SCIN: variants seen among roughly 807,000 people sequenced by gnomAD.
SCIN encodes the protein adseverin.
Under a neutral mutation model 91.8 loss-of-function variants are expected in SCIN, and 91 were observed. The observed-to-expected ratio is 0.99, with a 90% CI of 0.84 to 1.18. The LOEUF (loss-of-function observed/expected upper bound fraction) is 1.18. Ranked by LOEUF, SCIN falls within the 50% of genes most tolerant of loss-of-function variation. The pLI, the probability that SCIN is intolerant of heterozygous loss-of-function variation, is 0.00. For synonymous variants in SCIN, 367 were observed against 312.6 expected (o/e 1.17, Z -1.84); for missense variants, 1,087 against 863.9 (o/e 1.26, Z -3.24).
chr7:12,621,637 G>GTTTTTTTTTT (rs60697843), intron 4 of SCIN, among the ~76,000 whole-genome samples: 1 of 106,374 alleles, frequency 9.4e-6, no homozygotes. Flanking sequence ...AAGTGTTTTA[G>GTTTTTTTTTT]TTTTTTTTTT....
At chr7:12,646,841 C>G (rs897989077) in intron 13 of SCIN, among the ~76,000 whole-genome samples, 2 of 152,088 alleles carry the variant, frequency 1.3e-5, no homozygotes, top group African/African-American at 4.8e-5. Flanking sequence ...TGAAGTGGTT[C>G]AAGTCTCCCT....
At chr7:12,606,362 A>C (rs11981341) in intron 4 of SCIN, among the ~76,000 whole-genome samples, 1 of 152,006 alleles carries the variant, frequency 6.6e-6, no homozygotes, top group Non-Finnish European at 1.5e-5. Flanking sequence ...AGGCTATCTC[A>C]TAAACATTTT....
At chr7:12,641,737 T>G (rs1247797700) in intron 11 of SCIN, among the ~76,000 whole-genome samples, 1 of 152,128 alleles carries the variant, frequency 6.6e-6, no homozygotes, top group Admixed American at 6.6e-5. Flanking sequence ...GAATGCACAT[T>G]CTGGCAATTC....
chr7:12,570,968 A>G lies in SCIN; in HGVS notation c.182A>G (p.His61Arg), dbSNP rs2240572. 655,002 of 1,550,336 alleles carry G rather than the reference A, an allele frequency of 0.42. 140,598 individuals are homozygous for G. Among genetic ancestry groups the G allele is most frequent in the African/African-American group, 0.55 (39,960 of 73,036 alleles). Residue 61 changes from histidine (H) to arginine (R), a missense_variant, in exon 1 of 16, where the codon CAC becomes CGC. His to Arg is a conservative substitution (Grantham distance 29). Coordinates refer to ENST00000297029, the MANE Select transcript of SCIN (RefSeq NM_001112706.3). ...AAGACGAGCCGAGGCTTCACCTACC[A>G]CCTGCACTTCTGGCTCGGTAAGGGA... ...TAKTSRGFTY[H>R]LHFWLGKECS...
intron 9 of SCIN, among the ~76,000 whole-genome samples, chr7:12,632,873 C>A (rs1397176328): frequency 6.6e-6 from 1 of 152,076 alleles, no homozygotes; most frequent in African/African-American, 2.4e-5. Context: ...TTGAAATGTT[C>A]AACATTTCCA....
chr7:12,581,903 T>A (rs1040500714), intron 3 of SCIN, among the ~76,000 whole-genome samples: 2 of 152,182 alleles, frequency 1.3e-5, no homozygotes, highest in South Asian at 4.1e-4. Flanking sequence ...CTTTGTGAAG[T>A]TTTTATAATA....
At chr7:12,602,900 C>T (rs1186860774) in intron 3 of SCIN, among the ~76,000 whole-genome samples, 3 of 152,228 alleles carry the variant, frequency 2.0e-5, no homozygotes, top group Middle Eastern at 3.4e-3. Flanking sequence ...ACATCTTCAG[C>T]TTACGAAGGT....
At chr7:12,604,190 ATT>A (rs1385351405) in intron 3 of SCIN, among the ~76,000 whole-genome samples, 1 of 152,108 alleles carries the variant, frequency 6.6e-6, no homozygotes. Flanking sequence ...ATTTTTACAG[ATT>A]CTTTACTACT....
chr7:12,620,671 T>C (rs1242520104), intron 4 of SCIN, among the ~76,000 whole-genome samples: 2 of 152,000 alleles, frequency 1.3e-5, no homozygotes, highest in African/African-American at 2.4e-5. Flanking sequence ...GAGATCCAAA[T>C]TGGAGGAGAG....
chr7:12,586,056 A>T (rs926970351), intron 3 of SCIN, among the ~76,000 whole-genome samples: 1 of 152,040 alleles, frequency 6.6e-6, no homozygotes, highest in African/African-American at 2.4e-5. Flanking sequence ...AGCCTTTTTT[A>T]TATTGCTTGT....
chr7:12,606,129 C>A (rs916268386), intron 4 of SCIN, among the ~76,000 whole-genome samples: 6 of 152,182 alleles, frequency 3.9e-5, no homozygotes, highest in African/African-American at 1.4e-4. Context: ...TCCTGCGATG[C>A]GCCAGGCACT....
In SCIN at chr7:12,626,799, G is replaced by C. The variant is rs776863163; in HGVS notation, c.1197G>C (p.Glu399Asp). ...TGGATGATGGTTCTGGCAAAGTGGA[G>C]GTATTTACCTGTTTTTGTTTTTATC... ...NMVDDGSGKV[E>D]IWRVENNGRI... Residue 399 changes from glutamate to aspartate, a missense_variant and splice_region_variant, in exon 8 of 16, where the codon GAG becomes GAC. By Grantham distance (45) the Glu-to-Asp change is conservative. Coordinates refer to ENST00000297029, the MANE Select transcript of SCIN (RefSeq NM_001112706.3). 1.2e-6 allele frequency: 2 copies of C among 1,603,190 alleles called. No individual in the cohort carries two copies. The highest frequency in any genetic ancestry group is 4.5e-5 in the East Asian group (2 of 44,460).
At chr7:12,638,006 C>G (rs849764) in intron 10 of SCIN, among the ~76,000 whole-genome samples, 15,462 of 152,186 alleles carry the variant, frequency 0.1, 856 homozygotes, top group East Asian at 0.17. Context: ...TGTTTCTAGC[C>G]TGGTTCAATC....
intron 3 of SCIN, chr7:12,588,805 G>C (rs1219200018): frequency 1.1e-4 from 4 of 36,602 alleles, no homozygotes; most frequent in Non-Finnish European, 2.0e-4. Context: ...CAGCTGCATT[G>C]GGTGGGGGGG....
intron 4 of SCIN, among the ~76,000 whole-genome samples, chr7:12,605,345 G>A (rs562179635): frequency 1.1e-4 from 16 of 152,214 alleles, no homozygotes; most frequent in Middle Eastern, 3.4e-3. Flanking sequence ...CACCCTGCCC[G>A]GCCTTCTCAG....
At chr7:12,650,538 T>A (rs1784059120) in intron 14 of SCIN, among the ~76,000 whole-genome samples, 1 of 152,204 alleles carries the variant, frequency 6.6e-6, no homozygotes, top group Admixed American at 6.5e-5. Context: ...CATGGTTTGT[T>A]CTGTTCCCTG....
chr7:12,578,331 C>T (rs1782417751), intron 2 of SCIN, 113 bp downstream of exon 2: 1 of 977,656 alleles, frequency 1.0e-6, no homozygotes, highest in Non-Finnish European at 1.4e-6. Context: ...GTTTTATTTG[C>T]TTTTGTTTTA....
At chr7:12,627,644 G>T (rs1783555330) in intron 8 of SCIN, among the ~76,000 whole-genome samples, 1 of 152,168 alleles carries the variant, frequency 6.6e-6, no homozygotes, top group Non-Finnish European at 1.5e-5. Flanking sequence ...AATCTAAGCG[G>T]CATGGGTGTT....
intron 11 of SCIN, among the ~76,000 whole-genome samples, chr7:12,642,911 G>T (rs1183869779): frequency 6.6e-6 from 1 of 152,026 alleles, no homozygotes; most frequent in Non-Finnish European, 1.5e-5. Flanking sequence ...CAGTCATATG[G>T]TTTAAATGCT....
Sources: gnomAD v4.1 joint callset for allele counts (sites outside exome capture counted in the v4.1 genomes callset) on GRCh38, gnomAD v4.1.1 for gene constraint, MANE v1.5 for transcripts, NCBI Gene and HGNC (gene_info 2026-07-23, HGNC 2026-07-21) for gene names.